Variants in MAGI2 observed in about 807,000 individuals in gnomAD.
MAGI2 encodes the protein membrane-associated guanylate kinase, WW and PDZ domain-containing protein 2.
MAGI2 carries 35 observed loss-of-function variants against 133.3 expected under a neutral mutation model. That is an observed-to-expected ratio of 0.26 (90% confidence interval 0.20 to 0.35). The LOEUF (loss-of-function observed/expected upper bound fraction) is 0.35, where lower values mean the gene tolerates loss of function less well. Among genes scored for constraint, MAGI2 ranks in the 10% least tolerant of loss-of-function variants. MAGI2 has a pLI of 1.00. For missense variants in MAGI2, 1,636 were observed against 1,863.4 expected (o/e 0.88, Z 2.25); for synonymous variants, 729 against 710.6 (o/e 1.03, Z -0.41).
chr7:79,095,402 C>A (rs1386359080), intron 1 of MAGI2, among the ~76,000 whole-genome samples: 1 of 152,198 alleles, frequency 6.6e-6, no homozygotes, highest in East Asian at 1.9e-4. Flanking sequence ...TCCTTTGCAT[C>A]CACAACTTGG....
chr7:78,733,255 T>C (rs1168948176), intron 2 of MAGI2, among the ~76,000 whole-genome samples: 1 of 152,086 alleles, frequency 6.6e-6, no homozygotes, highest in African/African-American at 2.4e-5. Flanking sequence ...AACTGCAAAA[T>C]ATCGTAGAAT....
intron 20 of MAGI2, among the ~76,000 whole-genome samples, chr7:78,124,286 G>A (rs986925383): frequency 6.6e-6 from 1 of 152,232 alleles, no homozygotes; most frequent in Non-Finnish European, 1.5e-5. Context: ...ACCATGTGGA[G>A]GCCCATCTTC....
chr7:78,242,962 C>T (rs1791314137), intron 10 of MAGI2, among the ~76,000 whole-genome samples: 1 of 152,020 alleles, frequency 6.6e-6, no homozygotes, highest in African/African-American at 2.4e-5. Context: ...GTCCCAGCTA[C>T]TTGAAAGGCT....
intron 2 of MAGI2, among the ~76,000 whole-genome samples, chr7:78,817,582 T>C (rs1209400): frequency 0.47 from 70,888 of 152,104 alleles, 17,334 homozygotes; most frequent in South Asian, 0.57. Flanking sequence ...AGAACCCCCA[T>C]TGGCAACCAG....
chr7:78,453,507 A>G (rs999018510), intron 6 of MAGI2, among the ~76,000 whole-genome samples: 4 of 152,168 alleles, frequency 2.6e-5, no homozygotes, highest in African/African-American at 9.7e-5. Flanking sequence ...TTTTCAGATG[A>G]TATCTTAGGC....
chr7:79,160,252 G>A (rs1364800290), intron 1 of MAGI2, among the ~76,000 whole-genome samples: 3 of 151,908 alleles, frequency 2.0e-5, no homozygotes, highest in Non-Finnish European at 2.9e-5. Flanking sequence ...GTGAATCTAG[G>A]TTTTTTCCTC....
intron 10 of MAGI2, chr7:78,252,210 C>T (rs560845844): frequency 4.7e-5 from 7 of 150,168 alleles, no homozygotes; most frequent in African/African-American, 1.7e-4. Flanking sequence ...CCTAGAATAG[C>T]CACATTATTT....
chr7:78,366,085 G>A (rs992893456), intron 7 of MAGI2, among the ~76,000 whole-genome samples: 2 of 152,100 alleles, frequency 1.3e-5, no homozygotes, highest in African/African-American at 2.4e-5. Context: ...ACCTCCAATT[G>A]TATGAATGGG....
chr7:79,292,841 G>C (rs532999454), intron 1 of MAGI2, among the ~76,000 whole-genome samples: 2 of 140,274 alleles, frequency 1.4e-5, no homozygotes, highest in East Asian at 4.3e-4. Flanking sequence ...ATTGCCCTGA[G>C]TCTGAGAATC....
At chr7:78,210,531 G>T (rs1376000519) in intron 10 of MAGI2, among the ~76,000 whole-genome samples, 14 of 152,142 alleles carry the variant, frequency 9.2e-5, no homozygotes, top group Admixed American at 9.2e-4. Context: ...AGTCGGAGGT[G>T]CCTTTGGGAG....
At chr7:78,465,227 G>A (rs1407056033) in intron 6 of MAGI2, among the ~76,000 whole-genome samples, 2 of 152,152 alleles carry the variant, frequency 1.3e-5, no homozygotes, top group African/African-American at 2.4e-5. Context: ...GTACTGATAT[G>A]AGCAGGTGTC....
chr7:78,529,400 G>A (rs1198624884), intron 3 of MAGI2, among the ~76,000 whole-genome samples: 2 of 152,090 alleles, frequency 1.3e-5, no homozygotes, highest in Middle Eastern at 3.2e-3. Flanking sequence ...TCCCACCTGC[G>A]CCAGATAGCA....
chr7:78,304,544 C>T (rs934648461), intron 9 of MAGI2, among the ~76,000 whole-genome samples: 2 of 152,164 alleles, frequency 1.3e-5, no homozygotes, highest in Non-Finnish European at 2.9e-5. Context: ...CTTCATAGCA[C>T]CAATATTTCT....
intron 2 of MAGI2, among the ~76,000 whole-genome samples, chr7:78,901,672 CT>C (rs35417082): frequency 0.43 from 64,082 of 149,356 alleles, 13,737 homozygotes; most frequent in East Asian, 0.52. Flanking sequence ...ATGAAATATA[CT>C]TTTTTTTTTT....
chr7:78,943,923 T>A (rs554115760), intron 2 of MAGI2, among the ~76,000 whole-genome samples: 2 of 152,342 alleles, frequency 1.3e-5, no homozygotes, highest in African/African-American at 4.8e-5. Flanking sequence ...TATTTTAAAC[T>A]AATACATGTA....
At position 78,688,216 on chromosome 7, in the gene MAGI2, G is replaced by C. The variant is rs778067329; in HGVS notation, c.419-60977C>G. ...GCTGTACTAAATTACCCAATGTAAT[G>C]ATAAAATGAGCTATCACCTATTTTT... On this transcript the variant is annotated intron_variant, in intron 2 of 21. Transcript: ENST00000354212. Among the ~76,000 whole-genome samples, 5 of 152,052 alleles carry C rather than the reference G, an allele frequency of 3.3e-5. No individual in the cohort carries two copies. The East Asian group carries it at 9.7e-4, about 29-fold the overall frequency.
chr7:78,517,101 T>C (rs1796104415), intron 4 of MAGI2, among the ~76,000 whole-genome samples: 1 of 152,124 alleles, frequency 6.6e-6, no homozygotes, highest in Admixed American at 6.6e-5. Flanking sequence ...TCTGTAGAAT[T>C]TGAAGCCATG....
chr7:78,701,896 C>T (rs1013138296), intron 2 of MAGI2, among the ~76,000 whole-genome samples: 3 of 151,946 alleles, frequency 2.0e-5, no homozygotes, highest in African/African-American at 7.2e-5. Context: ...TTTGGAATTT[C>T]CCTAAGGTTT....
intron 2 of MAGI2, among the ~76,000 whole-genome samples, chr7:78,956,310 C>T (rs1245969893): frequency 1.3e-5 from 2 of 151,760 alleles, no homozygotes; most frequent in South Asian, 4.2e-4. Context: ...TTAAAAATAC[C>T]CCTCTCCTAG....
Sources: gnomAD v4.1 joint callset for allele counts (sites outside exome capture counted in the v4.1 genomes callset) on GRCh38, gnomAD v4.1.1 for gene constraint, MANE v1.5 for transcripts, NCBI Gene and HGNC (gene_info 2026-07-23, HGNC 2026-07-21) for gene names.